Variants in KCNH7 observed in about 807,000 individuals in gnomAD.
KCNH7 encodes voltage-gated inwardly rectifying potassium channel KCNH7.
In KCNH7, 49 loss-of-function variants were observed where a neutral mutation model predicts 120.8. That is an observed-to-expected ratio of 0.41 (90% CI 0.32 to 0.51). The LOEUF is 0.51. KCNH7 is among the 20% of genes least tolerant of loss of function. KCNH7 has a pLI of 0.38. For synonymous variants in KCNH7, 547 were observed against 516.1 expected (o/e 1.06, Z -0.81); for missense variants, 1,097 against 1,446.6 (o/e 0.76, Z 3.92).
At chr2:162,811,612 A>G (rs1049102066) in intron 2 of KCNH7, among the ~76,000 whole-genome samples, 13 of 152,192 alleles carry the variant, frequency 8.5e-5, no homozygotes, top group African/African-American at 2.9e-4. Context: ...AAAATAGGAA[A>G]CATAGGGCTA....
intron 9 of KCNH7, among the ~76,000 whole-genome samples, chr2:162,416,673 G>A (rs756832694): frequency 5.9e-5 from 9 of 152,158 alleles, no homozygotes; most frequent in Non-Finnish European, 1.2e-4. Context: ...TAACAGAAGA[G>A]AGGGAAGAAT....
At chr2:162,582,002 G>C (rs1215453842) in intron 2 of KCNH7, among the ~76,000 whole-genome samples, 1 of 152,060 alleles carries the variant, frequency 6.6e-6, no homozygotes, top group Non-Finnish European at 1.5e-5. Context: ...GAAGACCTGG[G>C]GAGATCTCCA....
intron 8 of KCNH7, among the ~76,000 whole-genome samples, chr2:162,434,000 C>T (rs148355508): frequency 7.9e-5 from 12 of 151,726 alleles, no homozygotes; most frequent in East Asian, 3.9e-4. Context: ...AGCAGTAAAC[C>T]GGATAAATAA....
At chr2:162,616,036 G>A (rs980552733) in intron 2 of KCNH7, among the ~76,000 whole-genome samples, 2 of 152,134 alleles carry the variant, frequency 1.3e-5, no homozygotes, top group Non-Finnish European at 1.5e-5. Context: ...CCTTCAAATC[G>A]AAAGTGTTGC....
At chr2:162,390,342 A>T (rs997133655) in intron 12 of KCNH7, among the ~76,000 whole-genome samples, 1 of 151,378 alleles carries the variant, frequency 6.6e-6, no homozygotes, top group East Asian at 1.9e-4. Flanking sequence ...GCCATTATAC[A>T]TGCTATTTTA....
At chr2:162,470,261 G>A (rs1257112146) in intron 6 of KCNH7, among the ~76,000 whole-genome samples, 4 of 152,014 alleles carry the variant, frequency 2.6e-5, no homozygotes, top group Non-Finnish European at 5.9e-5. Flanking sequence ...TAGGAAGTGA[G>A]GAGCGTCTCT....
In KCNH7 at chr2:162,451,509, G is replaced by T. The variant is rs114242649; in HGVS notation, c.1129-5066C>A. On this transcript the variant is annotated intron_variant, in intron 6 of 15. Coordinates refer to ENST00000332142, the MANE Select transcript of KCNH7 (RefSeq NM_033272.4). ...TTCTATGGATCCAAAATTTAGGCAG[G>T]TCTTGGCTAGTCAATTTTTCTTCTC... 5.5e-3 allele frequency among the ~76,000 whole-genome samples: 842 copies of T among 152,054 alleles called. 6 individuals are homozygous for T. Among genetic ancestry groups the T allele is most frequent in the African/African-American group, 0.019 (781 of 41,490 alleles).
chr2:162,448,707 G>A (rs1006177499), intron 6 of KCNH7, among the ~76,000 whole-genome samples: 1 of 152,020 alleles, frequency 6.6e-6, no homozygotes, highest in African/African-American at 2.4e-5. Flanking sequence ...TGGAACTGTG[G>A]CTGAAACTCT....
In KCNH7 at chr2:162,435,422, T is replaced by C; in HGVS notation, c.1730A>G (p.Glu577Gly). Residue 577 changes from glutamate (E) to glycine (G), a missense_variant, in exon 8 of 16, where the codon GAA becomes GGA. Glu to Gly is a moderately conservative substitution (Grantham distance 98). This residue lies in a region of KCNH7 where 36 missense variants were observed against 46.8 expected (regional missense o/e 0.77). Coordinates refer to ENST00000332142, the MANE Select transcript of KCNH7 (RefSeq NM_033272.4). ...ACIWYAIGNV[E>G]RPYLTDKIGW... ...GATTTTGTCAGTCAGGTAAGGCCTT[T>C]CTACATTCCCAATCGCATACCAAAT... 1 of 1,613,856 alleles carries C rather than the reference T, an allele frequency of 6.2e-7. No individual in the cohort carries two copies. Among genetic ancestry groups the C allele is most frequent in the East Asian group, 2.2e-5 (1 of 44,860 alleles).
chr2:162,413,263 G>A (rs1304529716), intron 9 of KCNH7, among the ~76,000 whole-genome samples: 1 of 151,976 alleles, frequency 6.6e-6, no homozygotes, highest in Admixed American at 6.6e-5. Flanking sequence ...CAGATAGCTG[G>A]GATTGCAGGT....
At chr2:162,795,069 G>A (rs931693286) in intron 2 of KCNH7, among the ~76,000 whole-genome samples, 8 of 151,920 alleles carry the variant, frequency 5.3e-5, no homozygotes, top group Non-Finnish European at 1.0e-4. Flanking sequence ...TCTTTAAAAT[G>A]AATAAGTATC....
chr2:162,580,849 T>C (rs1693842586), intron 2 of KCNH7, among the ~76,000 whole-genome samples: 2 of 151,962 alleles, frequency 1.3e-5, no homozygotes, highest in African/African-American at 4.8e-5. Flanking sequence ...CTGAGGAACA[T>C]GTAGAGAGAA....
intron 13 of KCNH7, among the ~76,000 whole-genome samples, chr2:162,382,292 T>C (rs750424953): frequency 6.6e-5 from 10 of 152,120 alleles, no homozygotes; most frequent in Non-Finnish European, 1.3e-4. Context: ...TAATTTACTT[T>C]TTAATTAAAA....
Position 162,575,961 on chromosome 2 carries a change from T to G in KCNH7, c.308-38881A>C, listed in dbSNP as rs73024684. Among the ~76,000 whole-genome samples, 358 of 152,204 alleles carry G rather than the reference T, an allele frequency of 2.4e-3. 1 individual carries two copies. Among genetic ancestry groups the G allele is most frequent in the African/African-American group, 8.3e-3 (343 of 41,564 alleles). On this transcript the variant is annotated intron_variant, in intron 2 of 15. Coordinates refer to ENST00000332142, the MANE Select transcript of KCNH7 (RefSeq NM_033272.4). ...ATAAACAATCTTTCAGACAGCTGAC[T>G]CACTTGAAGAAAATGGGGTTTTTCC...
chr2:162,547,407 G>A (rs1692515425), intron 2 of KCNH7, among the ~76,000 whole-genome samples: 1 of 152,288 alleles, frequency 6.6e-6, no homozygotes, highest in Non-Finnish European at 1.5e-5. Flanking sequence ...CCAGGGCAAC[G>A]TGAGTGGTGT....
chr2:162,435,301 T>C lies in KCNH7; in HGVS notation c.1851A>G (p.Ala617=). ...GPSIKDKYVT[A]LYFTFSSLTS... The stretch of plus-strand genomic sequence containing the variant: ...TTAAACTGCTGAAGGTAAAATAAAG[T>C]GCTGTGACGTATTTGTCTTTAATGG... The change falls in exon 8 of 16, where the codon GCA becomes GCG. Residue 617 remains alanine, a synonymous_variant. Transcript: ENST00000332142. 6.2e-7 allele frequency: 1 copy of C among 1,613,876 alleles called. No homozygotes were observed. The highest frequency in any genetic ancestry group is 1.7e-5 in the Admixed American group (1 of 59,948).
At chr2:162,700,867 G>T (rs995241007) in intron 2 of KCNH7, among the ~76,000 whole-genome samples, 1 of 152,104 alleles carries the variant, frequency 6.6e-6, no homozygotes, top group African/African-American at 2.4e-5. Context: ...ATCTGTTTTG[G>T]TGTCTTTAAA....
chr2:162,752,914 A>G (rs1574342827), intron 2 of KCNH7, among the ~76,000 whole-genome samples: 1 of 51,974 alleles, frequency 1.9e-5, no homozygotes, highest in African/African-American at 1.1e-4. Context: ...AAAAGAAAAG[A>G]AAAGAAAAGA....
chr2:162,625,117 G>T (rs1039638077), intron 2 of KCNH7, among the ~76,000 whole-genome samples: 4 of 151,700 alleles, frequency 2.6e-5, no homozygotes, highest in African/African-American at 9.7e-5. Flanking sequence ...GGTTGGTCCC[G>T]AACTCCCGAC....
Sources: allele counts gnomAD v4.1 joint callset (sites outside exome capture counted in the v4.1 genomes callset), GRCh38; gene constraint gnomAD v4.1.1; regional missense constraint gnomAD v4.1.1; transcripts MANE v1.5; gene names NCBI Gene and HGNC (gene_info 2026-07-23, HGNC 2026-07-21).